The following LRP1B variants were observed in gnomAD, a reference collection of about 807,000 sequenced individuals.
The protein encoded by LRP1B is low-density lipoprotein receptor-related protein 1B.
In LRP1B, 217 loss-of-function variants were observed where a neutral mutation model predicts 556.6. The observed-to-expected ratio is 0.39, with a 90% CI of 0.35 to 0.44. The LOEUF is 0.44. Ranked by LOEUF, LRP1B falls within the 20% of genes least tolerant of loss-of-function variation. The probability of loss-of-function intolerance (pLI) is 1.00; values close to 1 mark genes in which losing one functional copy is unlikely to be tolerated. For synonymous variants in LRP1B, 2,047 were observed against 1,865.8 expected, an observed-to-expected ratio of 1.10 and a Z score of -2.50; for missense variants, 5,053 against 5,620.8, an observed-to-expected ratio of 0.90 and a Z score of 3.23.
intron 31 of LRP1B, among the ~76,000 whole-genome samples, chr2:140,836,267 T>G (rs1054333220): frequency 2.6e-4 from 40 of 152,202 alleles, no homozygotes; most frequent in Non-Finnish European, 1.8e-4. Flanking sequence ...ATTATCTCCA[T>G]TGTATAGATA....
At chr2:141,686,750 G>A (rs1043167877) in intron 2 of LRP1B, among the ~76,000 whole-genome samples, 2 of 151,978 alleles carry the variant, frequency 1.3e-5, no homozygotes, top group African/African-American at 4.8e-5. Context: ...ATTGGATCAT[G>A]AGGGCTCTGC....
chr2:140,765,780 C>T (rs549050032), intron 35 of LRP1B, among the ~76,000 whole-genome samples: 9 of 152,202 alleles, frequency 5.9e-5, no homozygotes, highest in Non-Finnish European at 1.2e-4. Context: ...TTTGAGAATA[C>T]ATTCTTTCTG....
At chr2:140,538,904 A>T (rs972394434) in intron 45 of LRP1B, among the ~76,000 whole-genome samples, 8 of 152,144 alleles carry the variant, frequency 5.3e-5, no homozygotes. Context: ...CTATTCAAAG[A>T]TAAATATGTT....
At chr2:140,321,869 A>G (rs1433717490) in intron 82 of LRP1B, 94 bp downstream of exon 82, 4 of 1,261,748 alleles carry the variant, frequency 3.2e-6, no homozygotes, top group Non-Finnish European at 4.5e-6. Context: ...AGCTAAACTG[A>G]TGATGGAACA....
At chr2:142,083,988 T>C (rs1301246003) in intron 1 of LRP1B, among the ~76,000 whole-genome samples, 1 of 151,902 alleles carries the variant, frequency 6.6e-6, no homozygotes, top group Non-Finnish European at 1.5e-5. Flanking sequence ...TATGCCTTTT[T>C]TTTTTTTTTG....
chr2:142,056,395 T>C (rs1255763399), intron 1 of LRP1B, among the ~76,000 whole-genome samples: 3 of 152,082 alleles, frequency 2.0e-5, no homozygotes, highest in Admixed American at 2.0e-4. Flanking sequence ...CCTAATTATA[T>C]GGGGAGTCAC....
intron 2 of LRP1B, among the ~76,000 whole-genome samples, chr2:141,517,558 G>GA (rs1215478855): frequency 6.6e-6 from 1 of 152,114 alleles, no homozygotes; most frequent in Non-Finnish European, 1.5e-5. Flanking sequence ...CCCATCTTCT[G>GA]AAAACCTCAA....
At chr2:141,220,602 A>G (rs1682995544) in intron 6 of LRP1B, among the ~76,000 whole-genome samples, 1 of 151,160 alleles carries the variant, frequency 6.6e-6, no homozygotes, top group Non-Finnish European at 1.5e-5. Context: ...CAAGACACAT[A>G]ATCAGATTCT....
At chr2:142,120,374 A>C (rs535566398) in intron 1 of LRP1B, among the ~76,000 whole-genome samples, 1 of 152,316 alleles carries the variant, frequency 6.6e-6, no homozygotes, top group African/African-American at 2.4e-5. Flanking sequence ...AGACTCCCAA[A>C]GTGCTGGGAT....
intron 7 of LRP1B, among the ~76,000 whole-genome samples, chr2:141,153,123 T>C (rs1251026674): frequency 1.4e-5 from 2 of 147,984 alleles, no homozygotes; most frequent in African/African-American, 5.0e-5. Flanking sequence ...TATTTAAATT[T>C]GTAGATTTCT....
Position 140,979,281 on chromosome 2 carries a change from G to C in LRP1B, c.2887+2879C>G, listed in dbSNP as rs1696695214. The stretch of plus-strand genomic sequence containing the variant: ...GGCATGAACCACCACACCTGGTCGT[G>C]AGAGCCTATTTGTAAATTTTCACTG... On this transcript the variant is annotated intron_variant, in intron 18 of 90. Coordinates refer to ENST00000389484, the MANE Select transcript of LRP1B (RefSeq NM_018557.3). Among the ~76,000 whole-genome samples the C allele has an allele frequency of 2.0e-5, 3 of 152,238 alleles. No individual in the cohort carries two copies. In the South Asian group the frequency reaches 6.2e-4, roughly 32 times the overall value.
intron 2 of LRP1B, among the ~76,000 whole-genome samples, chr2:141,720,089 A>T (rs1424352325): frequency 6.6e-6 from 1 of 152,146 alleles, no homozygotes. Flanking sequence ...CAAAATTTAC[A>T]TTTTTCTCCA....
chr2:141,642,010 C>G (rs12465027), intron 2 of LRP1B, among the ~76,000 whole-genome samples: 2 of 149,304 alleles, frequency 1.3e-5, no homozygotes, highest in South Asian at 2.2e-4. Context: ...CAAACAAAAC[C>G]CCCCCCCAAA....
In LRP1B at chr2:141,104,381, T is replaced by C. The variant is rs563157885; in HGVS notation, c.1014-42108A>G. Among the ~76,000 whole-genome samples, 543 of 152,196 alleles carry C rather than the reference T, an allele frequency of 3.6e-3. 2 individuals are homozygous for C. Among genetic ancestry groups the C allele is most frequent in the Non-Finnish European group, 6.2e-3 (421 of 67,944 alleles). On this transcript the variant is annotated intron_variant, in intron 7 of 90. Coordinates refer to ENST00000389484, the MANE Select transcript of LRP1B (RefSeq NM_018557.3). Reference sequence around the variant, plus strand: ...GTATGTAAATTTCTTAGAAAGACTTTGGAGTATGTCAACCAGACAACACTA... The same window carrying C: ...GTATGTAAATTTCTTAGAAAGACTTCGGAGTATGTCAACCAGACAACACTA...
chr2:140,238,661 A>G (rs779774149), intron 88 of LRP1B, among the ~76,000 whole-genome samples: 12 of 150,864 alleles, frequency 8.0e-5, no homozygotes, highest in African/African-American at 2.9e-4. Flanking sequence ...CCTGTTTTAC[A>G]TAAGTCAAAT....
intron 3 of LRP1B, among the ~76,000 whole-genome samples, chr2:141,389,322 A>G (rs1444040999): frequency 6.6e-6 from 1 of 152,178 alleles, no homozygotes; most frequent in Non-Finnish European, 1.5e-5. Flanking sequence ...ATATATATCT[A>G]GGGGCACTTG....
chr2:141,143,177 ACT>A (rs1701700912), intron 7 of LRP1B, among the ~76,000 whole-genome samples: 1 of 151,632 alleles, frequency 6.6e-6, no homozygotes, highest in South Asian at 2.1e-4. Context: ...GATCCACCCC[ACT>A]CGGCCTCCCA....
intron 8 of LRP1B, among the ~76,000 whole-genome samples, chr2:141,059,473 A>G (rs1156278228): frequency 6.6e-6 from 1 of 151,786 alleles, no homozygotes; most frequent in African/African-American, 2.4e-5. Context: ...CTCCCTGTGA[A>G]AAGACTAATG....
intron 1 of LRP1B, among the ~76,000 whole-genome samples, chr2:142,000,772 T>C (rs1162138867): frequency 6.6e-6 from 1 of 152,204 alleles, no homozygotes; most frequent in Admixed American, 6.5e-5. Flanking sequence ...ATTATGCCTG[T>C]TCTACATAGA....
Sources: allele counts gnomAD v4.1 joint callset (sites outside exome capture counted in the v4.1 genomes callset), GRCh38; gene constraint gnomAD v4.1.1; transcripts MANE v1.5; gene names NCBI Gene and HGNC (gene_info 2026-07-23, HGNC 2026-07-21).